The following COXFA4 variants were observed in gnomAD, a reference collection of about 807,000 sequenced individuals.
COXFA4 encodes the protein cytochrome c oxidase associated subunit FA4, also known as cytochrome c oxidase subunit FA4.
the COXFA4 span, chr7:10,938,587 G>A: frequency 2.0e-6 from 1 of 496,808 alleles, no homozygotes; most frequent in Non-Finnish European, 3.6e-6. Flanking sequence ...TTTGGTATTA[G>A]CAGTTCTACT....
chr7:10,940,092 A>C, the COXFA4 span: 1 of 1,610,308 alleles, frequency 6.2e-7, no homozygotes, highest in Non-Finnish European at 8.5e-7. Context: ...GAAAGGAGAG[A>C]ACCGACCTAG....
the COXFA4 span, chr7:10,940,075 C>A: frequency 4.3e-6 from 7 of 1,613,258 alleles, no homozygotes; most frequent in Non-Finnish European, 5.9e-6. Context: ...GCAGAGGTCT[C>A]CGACTGGAAA....
the COXFA4 span, among the ~76,000 whole-genome samples, chr7:10,937,168 C>CT: frequency 6.6e-6 from 1 of 152,162 alleles, no homozygotes; most frequent in African/African-American, 2.4e-5. Context: ...CAGTTACTCT[C>CT]TTTTGATGAA....
At chr7:10,938,390 T>C in the COXFA4 span, 1 of 507,498 alleles carries the variant, frequency 2.0e-6, no homozygotes, top group Non-Finnish European at 3.5e-6. Context: ...CACAAAACCT[T>C]TCCATTTAAT....
the COXFA4 span, chr7:10,939,689 C>G: frequency 7.2e-6 from 3 of 413,814 alleles, no homozygotes; most frequent in South Asian, 2.2e-5. Context: ...CTGACCCACA[C>G]AGCGCACATC....
At chr7:10,932,270 G>A in the COXFA4 span, 6 of 152,286 alleles carry the variant, frequency 3.9e-5, no homozygotes, top group African/African-American at 1.4e-4. Context: ...ACAGTGGCAA[G>A]GTTGAGAAAC....
At chr7:10,937,230 G>A in the COXFA4 span, among the ~76,000 whole-genome samples, 6 of 149,684 alleles carry the variant, frequency 4.0e-5, no homozygotes, top group East Asian at 1.9e-4. Flanking sequence ...CTTTAAACAC[G>A]TCAACTGTAT....
At chr7:10,937,128 C>G in the COXFA4 span, among the ~76,000 whole-genome samples, 3 of 152,058 alleles carry the variant, frequency 2.0e-5, no homozygotes, top group Non-Finnish European at 4.4e-5. Context: ...GATCGGGGAC[C>G]CTGTTCTTCA....
At chr7:10,935,155 A>G in the COXFA4 span, among the ~76,000 whole-genome samples, 1 of 152,266 alleles carries the variant, frequency 6.6e-6, no homozygotes, top group Admixed American at 6.5e-5. Context: ...ACCCACGCAG[A>G]GTCAAAAGCA....
chr7:10,932,592 T>G, the COXFA4 span: 3 of 152,238 alleles, frequency 2.0e-5, no homozygotes, highest in African/African-American at 7.2e-5. Context: ...CAAGTTTCTA[T>G]GATGTGATGA....
chr7:10,938,719 A>T, the COXFA4 span: 3 of 889,168 alleles, frequency 3.4e-6, no homozygotes, highest in Non-Finnish European at 5.7e-6. Flanking sequence ...CATTCTTTCT[A>T]CTACCCTAAT....
chr7:10,933,528 A>AT, the COXFA4 span: 1 of 805,892 alleles, frequency 1.2e-6, no homozygotes, highest in Non-Finnish European at 2.1e-6. Context: ...CTCCAACATG[A>AT]TTTCATGCAT....
At chr7:10,935,492 T>C in the COXFA4 span, among the ~76,000 whole-genome samples, 1 of 152,214 alleles carries the variant, frequency 6.6e-6, no homozygotes, top group Non-Finnish European at 1.5e-5. Flanking sequence ...CAACAAATAA[T>C]CCTCTGCTAC....
At chr7:10,938,275 G>C in the COXFA4 span, 1 of 833,600 alleles carries the variant, frequency 1.2e-6, no homozygotes, top group Non-Finnish European at 1.9e-6. Context: ...ATTTCATTAT[G>C]AAGTTGAAAC....
chr7:10,937,968 A>G, the COXFA4 span: 2 of 782,432 alleles, frequency 2.6e-6, no homozygotes, highest in Non-Finnish European at 4.5e-6. Flanking sequence ...ACTACCTAAC[A>G]GCTCTTTAAA....
At chr7:10,935,852 C>T in the COXFA4 span, among the ~76,000 whole-genome samples, 5,776 of 152,314 alleles carry the variant, frequency 0.038, 319 homozygotes, top group East Asian at 0.13. Context: ...TCACTTTTCA[C>T]TCACATTATA....
the COXFA4 span, among the ~76,000 whole-genome samples, chr7:10,937,343 C>T: frequency 6.6e-6 from 1 of 151,476 alleles, no homozygotes; most frequent in Non-Finnish European, 1.5e-5. Flanking sequence ...AGTGCAGTGG[C>T]GTGATCCTGG....
At chr7:10,939,804 TC>T in the COXFA4 span, 110 of 667,652 alleles carry the variant, frequency 1.6e-4, 1 homozygote, top group East Asian at 2.8e-3. Flanking sequence ...AGTGTCCGTC[TC>T]CTTCCTCCTG....
the COXFA4 span, chr7:10,933,049 T>G: frequency 6.6e-6 from 1 of 152,442 alleles, no homozygotes; most frequent in Non-Finnish European, 1.5e-5. Context: ...TCTTGACTAC[T>G]AGCACCATGG....
Sources: gnomAD v4.1 joint callset for allele counts (sites outside exome capture counted in the v4.1 genomes callset) on GRCh38, gnomAD v4.1.1 for gene constraint, MANE v1.5 for transcripts, NCBI Gene and HGNC (gene_info 2026-07-23, HGNC 2026-07-21) for gene names.